Variants in POMT2 observed in about 807,000 individuals in gnomAD.
POMT2 encodes protein O-mannosyl-transferase 2.
POMT2 carries 75 observed loss-of-function variants against 100.0 expected under a neutral mutation model. The observed-to-expected ratio is 0.75, with a 90% confidence interval of 0.62 to 0.91. The LOEUF is 0.91. Ranked by LOEUF, POMT2 falls within the 40% of genes least tolerant of loss-of-function variation. The pLI is 0.00. For synonymous variants in POMT2, 378 were observed against 374.1 expected, an observed-to-expected ratio of 1.01 and a Z score of -0.12; for missense variants, 940 against 955.1, an observed-to-expected ratio of 0.98 and a Z score of 0.21.
intron 1 of POMT2, among the ~76,000 whole-genome samples, chr14:77,315,133 C>T (rs72681243): frequency 0.019 from 2,952 of 152,200 alleles, 44 homozygotes; most frequent in Middle Eastern, 0.071. Context: ...ACATCTCCAC[C>T]CTACCATGTC....
intron 8 of POMT2, among the ~76,000 whole-genome samples, chr14:77,297,480 T>C (rs1473997753): frequency 6.6e-6 from 1 of 152,196 alleles, no homozygotes; most frequent in Non-Finnish European, 1.5e-5. Context: ...ACTGGCCCCA[T>C]GGCAACAATT....
In POMT2 at chr14:77,288,823, C is replaced by G. The variant is rs145933402; in HGVS notation, c.1192G>C (p.Asp398His). The change falls in exon 11 of 21, where the codon GAC becomes CAC. Residue 398 changes from aspartate to histidine, a missense_variant. By Grantham distance (81) the Asp-to-His change is moderately conservative (BLOSUM62 -1). Coordinates refer to ENST00000261534, the MANE Select transcript of POMT2 (RefSeq NM_013382.7). ...KKHNTNSDPL[D>H]PSFPVEFVRH... ...ACAAACTCCACTGGGAAGGAAGGGT[C>G]TAGGGGATCTGCCAAAAAGAAACAA... is the stretch of plus-strand genomic sequence containing the variant. The G allele has an allele frequency of 2.5e-5, 40 of 1,613,658 alleles. No individual in the cohort carries two copies. Among genetic ancestry groups the G allele is most frequent in the Non-Finnish European group, 3.1e-5 (37 of 1,179,886 alleles).
chr14:77,312,030 C>T lies in POMT2; in HGVS notation c.252G>A (p.Trp84Ter), dbSNP rs1159303427. Residue 84 changes from tryptophan (W) to a stop codon, truncating the protein, a stop_gained, in exon 2 of 21, where the codon TGG (tryptophan) becomes TGA (stop). Transcript: ENST00000261534. LOFTEE classifies it high-confidence loss of function. ...HRLDEPPHICWDETHFGKMGS... is the reference protein window; with the variant it reads ...HRLDEPPHIC Reference sequence around the variant, plus strand: ...CCATTTTTCCAAAGTGAGTCTCATCCCAACTAAAGGAAACACAGAAAGAGA... The same window carrying T: ...CCATTTTTCCAAAGTGAGTCTCATCTCAACTAAAGGAAACACAGAAAGAGA... The T allele has an allele frequency of 6.2e-7, 1 of 1,613,852 alleles. No homozygotes were observed. Among genetic ancestry groups the T allele is most frequent in the Non-Finnish European group, 8.5e-7 (1 of 1,179,938 alleles).
chr14:77,301,216 G>A lies in POMT2; in HGVS notation c.690C>T (p.Ser230=), dbSNP rs895876912. The A allele has an allele frequency of 2.5e-6, 4 of 1,614,208 alleles. No homozygotes were observed. Among genetic ancestry groups the A allele is most frequent in the East Asian group, 4.5e-5 (2 of 44,886 alleles). Residue 230 remains serine, a synonymous_variant, in exon 6 of 21, where the codon AGC becomes AGT. Coordinates refer to ENST00000261534, the MANE Select transcript of POMT2 (RefSeq NM_013382.7). ...PFSAPWWFWL[S]LTGVSLAGAL... is the part of the protein sequence containing the mutation. ...CACCAGCAAGACTAACGCCAGTCAGGCTGAGCCAGAACCACCAGGGGGCAG... is the reference window on the plus strand; with the variant it reads ...CACCAGCAAGACTAACGCCAGTCAGACTGAGCCAGAACCACCAGGGGGCAG...
In POMT2 at chr14:77,298,707, T is replaced by G; in HGVS notation, c.988A>C (p.Asn330His). The G allele has an allele frequency of 6.2e-7, 1 of 1,613,816 alleles. No homozygotes were observed. Among genetic ancestry groups the G allele is most frequent in the Non-Finnish European group, 8.5e-7 (1 of 1,179,896 alleles). ...QARLSGNNLHNASIPEHLAYG... is the reference protein window; with the variant it reads ...QARLSGNNLHHASIPEHLAYG... ...CACTCACGTTCAGGGATGGAAGCAT[T>G]GTGCAGGTTGTTCCCTGAAAGCCGG... The change falls in exon 8 of 21, where the codon AAT becomes CAT. Residue 330 changes from asparagine to histidine, a missense_variant. Asn to His is a moderately conservative substitution (Grantham distance 68). Transcript: ENST00000261534.
At chr14:77,281,545 G>C (rs1446192537) in intron 15 of POMT2, among the ~76,000 whole-genome samples, 3 of 152,180 alleles carry the variant, frequency 2.0e-5, no homozygotes, top group Non-Finnish European at 2.9e-5. Flanking sequence ...GGAAGGAGTA[G>C]GGTCAGGATC....
chr14:77,295,118 C>A (rs1890776389), intron 9 of POMT2, among the ~76,000 whole-genome samples: 1 of 152,184 alleles, frequency 6.6e-6, no homozygotes, highest in Non-Finnish European at 1.5e-5. Context: ...GGCCTCTCCC[C>A]AATATGGCCC....
intron 2 of POMT2, 93 bp from the exon 3 acceptor site, chr14:77,306,534 T>TG: frequency 7.0e-7 from 1 of 1,434,220 alleles, no homozygotes; most frequent in Non-Finnish European, 9.7e-7. Context: ...CCACAGACTT[T>TG]GGGTTCCCTT....
chr14:77,280,814 G>A (rs1021743356), intron 15 of POMT2, among the ~76,000 whole-genome samples: 16 of 152,326 alleles, frequency 1.1e-4, no homozygotes, highest in East Asian at 5.8e-4. Flanking sequence ...GCTTACAGCC[G>A]GGTGCAGTGG....
chr14:77,284,923 G>C, intron 14 of POMT2, 27 bp downstream of exon 14: 3 of 1,554,844 alleles, frequency 1.9e-6, no homozygotes, highest in Non-Finnish European at 2.7e-6. Flanking sequence ...TCCCTCCAGA[G>C]CCAGCCCAGA....
intron 2 of POMT2, among the ~76,000 whole-genome samples, chr14:77,309,146 C>A (rs1891346720): frequency 6.6e-6 from 1 of 152,098 alleles, no homozygotes; most frequent in African/African-American, 2.4e-5. Context: ...TTCATGTGTA[C>A]ATATATAAAA....
chr14:77,299,131 G>A lies in POMT2; in HGVS notation c.923+324C>T, dbSNP rs182992871. Among the ~76,000 whole-genome samples, 31 of 152,296 alleles carry A rather than the reference G, an allele frequency of 2.0e-4. No individual in the cohort carries two copies. The South Asian group carries it at 2.7e-3, about 13-fold the overall frequency. On this transcript the variant is annotated intron_variant, in intron 7 of 20. Transcript: ENST00000261534. The stretch of plus-strand genomic sequence containing the variant: ...TCATTAAGTGGGAGCTGTTGCCGCC[G>A]GAGTTACTGTTATTGTTACACTCAC...
At chr14:77,284,668 C>T (rs541617658) in intron 14 of POMT2, among the ~76,000 whole-genome samples, 1 of 152,100 alleles carries the variant, frequency 6.6e-6, no homozygotes, top group Admixed American at 6.6e-5. Flanking sequence ...TGGGGAGGTG[C>T]CCATGGTGCA....
chr14:77,297,896 C>T (rs1890886704), intron 8 of POMT2, among the ~76,000 whole-genome samples: 1 of 152,184 alleles, frequency 6.6e-6, no homozygotes, highest in South Asian at 2.1e-4. Context: ...ATAGCACAGC[C>T]TTCCTGGCCT....
intron 5 of POMT2, among the ~76,000 whole-genome samples, chr14:77,302,567 G>GATA (rs1381851194): frequency 1.3e-5 from 2 of 152,222 alleles, no homozygotes; most frequent in East Asian, 1.9e-4. Context: ...TTGTAAACAT[G>GATA]ATAATAATAA....
At chr14:77,287,718 A>G (rs191633539) in intron 11 of POMT2, 1 of 152,070 alleles carries the variant, frequency 6.6e-6, no homozygotes, top group Non-Finnish European at 1.5e-5. Context: ...TTGGGTGTGT[A>G]CTATTGTCAC....
At chr14:77,284,853 A>T in intron 14 of POMT2, 97 bp downstream of exon 14, 2 of 1,066,086 alleles carry the variant, frequency 1.9e-6, no homozygotes, top group Non-Finnish European at 2.9e-6. Flanking sequence ...CAGCAAGTTG[A>T]AGGGATAGCA....
chr14:77,300,943 G>C, intron 6 of POMT2, 147 bp downstream of exon 6: 1 of 1,472,350 alleles, frequency 6.8e-7, no homozygotes, highest in South Asian at 1.2e-5. Context: ...ATGTCCTGCT[G>C]TCTGCGGAGG....
intron 8 of POMT2, 132 bp downstream of exon 8, chr14:77,298,557 T>C: frequency 1.1e-6 from 1 of 918,236 alleles, no homozygotes; most frequent in African/African-American, 1.6e-5. Flanking sequence ...TTTCACCAGA[T>C]CTATCTGGGT....
Sources: gnomAD v4.1 joint callset for allele counts (sites outside exome capture counted in the v4.1 genomes callset) on GRCh38, gnomAD v4.1.1 for gene constraint, MANE v1.5 for transcripts, NCBI Gene and HGNC (gene_info 2026-07-23, HGNC 2026-07-21) for gene names.